The following CARMIL3 variants were observed in gnomAD, a reference collection of about 807,000 sequenced individuals.
CARMIL3 encodes capping protein, Arp2/3 and myosin-I linker protein 3.
CARMIL3 carries 88 observed loss-of-function variants against 180.8 expected under a neutral mutation model. That is an observed-to-expected ratio of 0.49 (90% CI 0.41 to 0.58). The LOEUF (loss-of-function observed/expected upper bound fraction) is 0.58, where lower values mean the gene tolerates loss of function less well. CARMIL3 is among the 20% of genes least tolerant of loss of function. CARMIL3 has a pLI of 0.00. For synonymous variants in CARMIL3, 696 were observed against 714.5 expected, an observed-to-expected ratio of 0.97 and a Z score of 0.41; for missense variants, 1,548 against 1,787.0, an observed-to-expected ratio of 0.87 and a Z score of 2.41.
chr14:24,057,348 T>C (rs1243981270), intron 14 of CARMIL3, 104 bp downstream of exon 14: 2 of 1,016,486 alleles, frequency 2.0e-6, no homozygotes, highest in Non-Finnish European at 3.0e-6. Flanking sequence ...GGCAGAGCTG[T>C]CTAGATGACT....
At position 24,065,258 on chromosome 14, in the gene CARMIL3, C is replaced by T. The variant is rs1216732787; in HGVS notation, c.3381C>T (p.Ser1127=). ...GATTTGGTGGGGGCCGGGGACCTTC[C>T]TTCCGCCGGAAGATGGTAAGTGAGG... is the stretch of plus-strand genomic sequence containing the variant. ...LPGFGGGRGP[S]FRRKMGTEGS... The change falls in exon 33 of 40, where the codon TCC becomes TCT. Residue 1127 remains serine, a synonymous_variant. Transcript: ENST00000342740. 1.3e-6 allele frequency: 2 copies of T among 1,538,480 alleles called. No homozygotes were observed. Among genetic ancestry groups the T allele is most frequent in the African/African-American group, 2.8e-5 (2 of 72,096 alleles).
At position 24,061,168 on chromosome 14, in the gene CARMIL3, C is replaced by A; in HGVS notation, c.2304+128C>A. ...GAGGACATGCAGAGTTGAGACCACC[C>A]ACGCTCCCACTGTACCAAGGCATTG... is the stretch of plus-strand genomic sequence containing the variant. On this transcript the variant is annotated intron_variant, in intron 26 of 39. Coordinates refer to ENST00000342740, the MANE Select transcript of CARMIL3 (RefSeq NM_138360.4). This position sits in a 1 kb window ranked among gnomAD's most constrained non-coding sequence, Gnocchi z 4.1. 1 of 759,954 alleles carries A rather than the reference C, an allele frequency of 1.3e-6. No homozygotes were observed. Among genetic ancestry groups the A allele is most frequent in the Non-Finnish European group, 2.1e-6 (1 of 465,864 alleles). The allele number at this position is 759,954 out of a possible 1,614,324, so 47.1% of individuals were successfully genotyped here.
At position 24,052,080 on chromosome 14, in the gene CARMIL3, G is replaced by C. The variant is rs915431937; in HGVS notation, c.-74G>C. The C allele has an allele frequency of 6.4e-5, 92 of 1,447,722 alleles. No homozygotes were observed. The highest frequency in any genetic ancestry group is 5.0e-4 in the African/African-American group (34 of 67,754). The allele number at this position is 1,447,722 out of a possible 1,614,324, so 89.7% of individuals were successfully genotyped here. On this transcript the variant is annotated 5_prime_UTR_variant, in exon 1 of 40. Transcript: ENST00000342740. ...TCAGCGCCCGGGCCCTGCTGAAGCC[G>C]GGTCTAGCATGTGCCGCGGCTCCCC...
chr14:24,060,894 T>C (rs1223278468), intron 25 of CARMIL3, 33 bp from the exon 26 acceptor site: 1 of 1,547,134 alleles, frequency 6.5e-7, no homozygotes. Context: ...GTCCTGGTTC[T>C]GGCCTGCTAA....
chr14:24,062,435 G>A, intron 27 of CARMIL3, 45 bp from the exon 28 acceptor site: 1 of 1,539,924 alleles, frequency 6.5e-7, no homozygotes, highest in Non-Finnish European at 9.0e-7. Flanking sequence ...GCCATGCGGG[G>A]GACTGAGGTG....
intron 12 of CARMIL3, 98 bp from the exon 13 acceptor site, chr14:24,056,817 G>C (rs1328892007): frequency 6.5e-7 from 1 of 1,529,146 alleles, no homozygotes; most frequent in African/African-American, 1.4e-5. Flanking sequence ...GGATGGAAGA[G>C]TGAAAAGGAG....
chr14:24,060,946 A>T lies in CARMIL3; in HGVS notation c.2210A>T (p.Glu737Val), dbSNP rs2035726526. 1.3e-6 allele frequency: 2 copies of T among 1,551,562 alleles called. No individual in the cohort carries two copies. The highest frequency in any genetic ancestry group is 8.7e-7 in the Non-Finnish European group (1 of 1,146,942). Residue 737 changes from glutamate (E) to valine (V), a missense_variant, in exon 26 of 40, where the codon GAG becomes GTG. Coordinates refer to ENST00000342740, the MANE Select transcript of CARMIL3 (RefSeq NM_138360.4). ...NSRALFPSLY[E>V]LGHVLANDGP... ...CTCCAGCTGTTTCCCAGCCTCTATG[A>T]GCTGGGCCACGTGCTGGCCAATGAT...
chr14:24,069,437 A>T lies in CARMIL3; in HGVS notation c.*33A>T. 6.2e-7 allele frequency: 1 copy of T among 1,613,882 alleles called. No individual in the cohort carries two copies. The highest frequency in any genetic ancestry group is 1.1e-5 in the South Asian group (1 of 91,068). On this transcript the variant is annotated 3_prime_UTR_variant, in exon 40 of 40. Transcript: ENST00000342740. ...CACAACACCCTCCTCAGCCCTCGAC[A>T]TGTGCCTCGCAAGGACTCAGACCCC...
chr14:24,069,389 G>A lies in CARMIL3; in HGVS notation c.4104G>A (p.Glu1368=), dbSNP rs376783862. The change falls in exon 40 of 40, where the codon GAG becomes GAA. Residue 1368 remains glutamate (E), a synonymous_variant. Transcript: ENST00000342740. ...ATTTGTCCCCAGCAGGAACCAGTGA[G>A]CCAGGAACAGACTGACAACTGCCAC... ...RRPPDPTGTS[E]PGTD is the part of the protein sequence containing the mutation. 15 of 1,614,022 alleles carry A rather than the reference G, an allele frequency of 9.3e-6. No individual in the cohort carries two copies. Among genetic ancestry groups the A allele is most frequent in the Non-Finnish European group, 1.3e-5 (15 of 1,180,030 alleles).
rs1284129029 is a variant in CARMIL3 at position 24,066,474 on chromosome 14, G to A, written c.3592+10G>A. Reference sequence around the variant, plus strand: ...TCTTCAGACGACGCAGGTAAGAACAGTCACATTCAAAGCCCTTTTGGACCC... The same window carrying A: ...TCTTCAGACGACGCAGGTAAGAACAATCACATTCAAAGCCCTTTTGGACCC... On this transcript the variant is annotated intron_variant, in intron 35 of 39. Transcript: ENST00000342740. The A allele has an allele frequency of 6.2e-7, 1 of 1,612,326 alleles. No homozygotes were observed. Among genetic ancestry groups the A allele is most frequent in the Admixed American group, 1.7e-5 (1 of 59,888 alleles).
In CARMIL3 at chr14:24,058,629, C is replaced by A; in HGVS notation, c.1393-51C>A. 6.6e-7 allele frequency: 1 copy of A among 1,509,250 alleles called. No individual in the cohort carries two copies. The allele number at this position is 1,509,250 out of a possible 1,614,324, so 93.5% of individuals were successfully genotyped here. On this transcript the variant is annotated intron_variant, in intron 17 of 39. Transcript: ENST00000342740. The surrounding 1 kb of genome is among the most constrained non-coding windows in gnomAD (Gnocchi z 6.4). ...TACTATATCCTAAGCATTAAAGGTG[C>A]CCTACCCCCACCCCAACCCCTGCCT...
Position 24,063,103 on chromosome 14 carries a change from C to A in CARMIL3, c.2707-17C>A. ...GGGTGAGGTGCCTGGCCCTGCCACT[C>A]GTCTTCATTTCTGCAGGACACCATG... is the stretch of plus-strand genomic sequence containing the variant. On this transcript the variant is annotated splice_polypyrimidine_tract_variant and intron_variant, in intron 29 of 39. Coordinates refer to ENST00000342740, the MANE Select transcript of CARMIL3 (RefSeq NM_138360.4). The A allele has an allele frequency of 2.5e-6, 4 of 1,609,254 alleles. No individual in the cohort carries two copies. The highest frequency in any genetic ancestry group is 3.4e-6 in the Non-Finnish European group (4 of 1,175,978).
In CARMIL3 at chr14:24,060,693, G is replaced by A. The variant is rs772163491; in HGVS notation, c.2127G>A (p.Glu709=). Residue 709 remains glutamate, a synonymous_variant, in exon 25 of 40, where the codon GAG becomes GAA. Coordinates refer to ENST00000342740, the MANE Select transcript of CARMIL3 (RefSeq NM_138360.4). ...EVRALRLCPL[E]PVQDELLYAR... ...GGGCCCTGAGACTATGCCCCCTGGA[G>A]CCTGTGCAGGATGAGCTACTCTACG... is the stretch of plus-strand genomic sequence containing the variant. The A allele has an allele frequency of 6.2e-6, 10 of 1,613,910 alleles. No homozygotes were observed. The highest frequency in any genetic ancestry group is 8.5e-6 in the Non-Finnish European group (10 of 1,179,858).
chr14:24,062,827 A>T lies in CARMIL3; in HGVS notation c.2687A>T (p.Asp896Val). 6.2e-7 allele frequency: 1 copy of T among 1,610,646 alleles called. No homozygotes were observed. The highest frequency in any genetic ancestry group is 8.5e-7 in the Non-Finnish European group (1 of 1,178,546). ...RNHDHEETTD[D>V]ELGTNIDTMA... The stretch of plus-strand genomic sequence containing the variant: ...CATGACCATGAGGAGACCACAGATG[A>T]TGAACTTGGGACCAACATTGTGAGC... Residue 896 changes from aspartate to valine, a missense_variant, in exon 29 of 40, where the codon GAT becomes GTT. Around this residue, in one of 4 missense-constraint regions of CARMIL3, gnomAD observed 668 missense variants for 687.8 expected, o/e 0.97. Transcript: ENST00000342740.
chr14:24,068,034 A>G (rs1399027941), intron 36 of CARMIL3, among the ~76,000 whole-genome samples: 7 of 152,268 alleles, frequency 4.6e-5, no homozygotes, highest in African/African-American at 1.4e-4. Context: ...CAGCTAGGCC[A>G]GAGTCCCCTC....
chr14:24,057,667 C>G, intron 14 of CARMIL3, 136 bp from the exon 15 acceptor site: 1 of 729,264 alleles, frequency 1.4e-6, no homozygotes, highest in Non-Finnish European at 2.3e-6. Context: ...GAGTGGGCAT[C>G]TCCAGTGGAG....
Position 24,065,760 on chromosome 14 carries a change from G to T in CARMIL3, c.3525+10G>T. 6.2e-7 allele frequency: 1 copy of T among 1,613,490 alleles called. No homozygotes were observed. Among genetic ancestry groups the T allele is most frequent in the South Asian group, 1.1e-5 (1 of 91,040 alleles). ...CGATGGGAAACGAGAGGTGAGTGGAGCCTGGGACAACAAACTGTGGGTCCT... is the reference window on the plus strand; with the variant it reads ...CGATGGGAAACGAGAGGTGAGTGGATCCTGGGACAACAAACTGTGGGTCCT... On this transcript the variant is annotated intron_variant, in intron 34 of 39. Transcript: ENST00000342740.
intron 32 of CARMIL3, among the ~76,000 whole-genome samples, chr14:24,064,700 G>A (rs1168029696): frequency 6.6e-6 from 1 of 152,200 alleles, no homozygotes; most frequent in African/African-American, 2.4e-5. Context: ...CCCAGGGTCT[G>A]TCCAGGAGGA....
chr14:24,064,179 C>T (rs1376944368), intron 31 of CARMIL3, 67 bp from the exon 32 acceptor site: 15 of 1,052,650 alleles, frequency 1.4e-5, no homozygotes, highest in South Asian at 5.3e-5. Flanking sequence ...GGGGAATGCT[C>T]TGAGTGGATG....
Sources: allele counts gnomAD v4.1 joint callset (sites outside exome capture counted in the v4.1 genomes callset), GRCh38; gene constraint gnomAD v4.1.1; regional missense constraint gnomAD v4.1.1; non-coding constraint Gnocchi (gnomAD v3.1); transcripts MANE v1.5; gene names NCBI Gene and HGNC (gene_info 2026-07-23, HGNC 2026-07-21).